The following ITPRIP variants were observed in gnomAD, a reference collection of about 807,000 sequenced individuals.
ITPRIP encodes inositol 1,4,5-trisphosphate receptor-interacting protein.
In ITPRIP, 32 loss-of-function variants were observed where a neutral mutation model predicts 35.8. The observed-to-expected ratio is 0.89, with a 90% CI of 0.68 to 1.20. ITPRIP has a LOEUF of 1.20. ITPRIP is among the 50% of genes most tolerant of loss of function. ITPRIP has a pLI of 0.00. For missense variants in ITPRIP, 653 were observed against 735.6 expected, an observed-to-expected ratio of 0.89 and a Z score of 1.30; for synonymous variants, 358 against 324.0, an observed-to-expected ratio of 1.11 and a Z score of -1.13.
At chr10:104,316,088 C>A in intron 1 of ITPRIP, 24 bp from the exon 2 acceptor site, 1 of 1,519,598 alleles carries the variant, frequency 6.6e-7, no homozygotes, top group South Asian at 1.3e-5. Flanking sequence ...GACAGATGGT[C>A]ACACCAAGCT....
At chr10:104,338,115 G>C (rs2014277588) in intron 1 of ITPRIP, 131 bp downstream of exon 1, 1 of 152,748 alleles carries the variant, frequency 6.5e-6, no homozygotes, top group African/African-American at 2.4e-5. Context: ...CCCGGGAGGA[G>C]CAGGCGCCCG....
chr10:104,322,169 G>C (rs987919901), intron 1 of ITPRIP, among the ~76,000 whole-genome samples: 3 of 152,150 alleles, frequency 2.0e-5, no homozygotes, highest in Admixed American at 6.5e-5. Flanking sequence ...CACCTGTTGG[G>C]GAGATGTCAG....
chr10:104,319,186 G>A (rs575997498), intron 1 of ITPRIP, among the ~76,000 whole-genome samples: 4 of 152,350 alleles, frequency 2.6e-5, no homozygotes, highest in South Asian at 4.1e-4. Flanking sequence ...GCGCTCCCAC[G>A]CTTTCCCTGT....
chr10:104,332,620 C>T (rs557592648), intron 1 of ITPRIP, among the ~76,000 whole-genome samples: 6 of 152,276 alleles, frequency 3.9e-5, no homozygotes, highest in East Asian at 1.9e-4. Context: ...TAAGATGTGG[C>T]GGAAACACAG....
At chr10:104,316,175 A>G (rs2013681632) in intron 1 of ITPRIP, 111 bp from the exon 2 acceptor site, 2 of 924,880 alleles carry the variant, frequency 2.2e-6, no homozygotes, top group Non-Finnish European at 3.1e-6. Context: ...TAGTTCTCCC[A>G]CCCAACCCAT....
In ITPRIP at chr10:104,328,398, T is replaced by C; in HGVS notation, c.-14+9848A>G. 6.1e-6 allele frequency: 3 copies of C among 489,794 alleles called. No individual in the cohort carries two copies. The highest frequency in any genetic ancestry group is 7.6e-6 in the Non-Finnish European group (3 of 393,942). The allele number at this position is 489,794 out of a possible 1,614,324, so 30.3% of individuals were successfully genotyped here. On this transcript the variant is annotated intron_variant, in intron 1 of 1. Transcript: ENST00000337478. The surrounding 1 kb of genome is among the most constrained non-coding windows in gnomAD (Gnocchi z 4.1). The stretch of plus-strand genomic sequence containing the variant: ...GAGTTCCCAAGAGTCGTCCCCTTTC[T>C]CTCTCTCCACCCCATGATCTACACA...
rs1589894796 is a variant in ITPRIP, at chr10:104,328,365, A to G, written c.-14+9881T>C. The G allele has an allele frequency of 1.2e-6, 1 of 869,268 alleles. No individual in the cohort carries two copies. Among genetic ancestry groups the G allele is most frequent in the East Asian group, 1.2e-4 (1 of 8,298 alleles). The allele number at this position is 869,268 out of a possible 1,614,324, so 53.8% of individuals were successfully genotyped here. On this transcript the variant is annotated intron_variant, in intron 1 of 1. Coordinates refer to ENST00000337478, the MANE Select transcript of ITPRIP (RefSeq NM_001272013.2). This position sits in a 1 kb window ranked among gnomAD's most constrained non-coding sequence, Gnocchi z 4.1. ...GCATGAATACCCACCTTGGGGCAGG[A>G]CATGCCAGAGTTCCCAAGAGTCGTC...
intron 1 of ITPRIP, among the ~76,000 whole-genome samples, chr10:104,316,599 G>T (rs2013698568): frequency 6.6e-6 from 1 of 152,094 alleles, no homozygotes; most frequent in Non-Finnish European, 1.5e-5. Flanking sequence ...CTCTCGGGAA[G>T]GGAGCCCGCC....
At position 104,326,719 on chromosome 10, in the gene ITPRIP, GATTAA is replaced by G. The variant is rs1284415749; in HGVS notation, c.-13-10660_-13-10656del. ...GACCTAAAAGGGTCTTTGCAGATGTGATTAAATTAAAGAACTTGAGATGAGATCAT... is the reference window on the plus strand; with the variant it reads ...GACCTAAAAGGGTCTTTGCAGATGTGATTAAAGAACTTGAGATGAGATCAT... On this transcript the variant is annotated intron_variant, in intron 1 of 1. Coordinates refer to ENST00000337478, the MANE Select transcript of ITPRIP (RefSeq NM_001272013.2). The surrounding 1 kb of genome is among the most constrained non-coding windows in gnomAD (Gnocchi z 4.8). 2.0e-5 allele frequency: 3 copies of G among 152,206 alleles called. No individual in the cohort carries two copies. The highest frequency in any genetic ancestry group is 2.9e-5 in the Non-Finnish European group (2 of 68,044). The allele number at this position is 152,206 out of a possible 1,614,324, so 9.4% of individuals were successfully genotyped here.
intron 1 of ITPRIP, among the ~76,000 whole-genome samples, chr10:104,318,999 T>G (rs968873785): frequency 3.9e-5 from 6 of 152,204 alleles, no homozygotes; most frequent in Non-Finnish European, 7.4e-5. Flanking sequence ...TCTGGCAGGA[T>G]GTAGGCAGTG....
chr10:104,324,665 C>T (rs904501549), intron 1 of ITPRIP, among the ~76,000 whole-genome samples: 5 of 152,038 alleles, frequency 3.3e-5, no homozygotes, highest in Non-Finnish European at 5.9e-5. Flanking sequence ...CTCGAGGACC[C>T]GGGTTGTAAA....
At chr10:104,337,526 G>A (rs1033433825) in intron 1 of ITPRIP, among the ~76,000 whole-genome samples, 1 of 151,852 alleles carries the variant, frequency 6.6e-6, no homozygotes. Flanking sequence ...AAGAGAAAGC[G>A]TTTTGGATGG....
chr10:104,316,121 TG>T, intron 1 of ITPRIP, 57 bp from the exon 2 acceptor site: 1 of 1,408,682 alleles, frequency 7.1e-7, no homozygotes, highest in East Asian at 2.5e-5. Flanking sequence ...ACTTCGTCCC[TG>T]GGCCCCGCAC....
rs1342719514 is a variant in ITPRIP, at chr10:104,328,732, A to C, written c.-14+9514T>G. On this transcript the variant is annotated intron_variant, in intron 1 of 1. Transcript: ENST00000337478. The surrounding 1 kb of genome is among the most constrained non-coding windows in gnomAD (Gnocchi z 4.1). ...ACCTTCTGTTTGACCCCTGGATGGG[A>C]ACAAAGAGAGCCCAGCTTAGAAAGA... 1 of 152,086 alleles carries C rather than the reference A, an allele frequency of 6.6e-6. No homozygotes were observed. Among genetic ancestry groups the C allele is most frequent in the East Asian group, 1.9e-4 (1 of 5,168 alleles). The allele number at this position is 152,086 out of a possible 1,614,324, so 9.4% of individuals were successfully genotyped here. A position where few individuals can be genotyped will look rare whatever the true frequency, so the allele number is the denominator to read the frequency against.
rs541106500 is a variant in ITPRIP, at chr10:104,314,632, G to C, written c.1420C>G (p.Leu474Val). Residue 474 changes from leucine (L) to valine (V), a missense_variant, in exon 2 of 2, where the codon CTC (leucine) becomes GTC (valine). By Grantham distance (32) the Leu-to-Val change is conservative. Coordinates refer to ENST00000337478, the MANE Select transcript of ITPRIP (RefSeq NM_001272013.2). ...FLEKSLLQKK[L>V]HHFFIGNRKV... is the part of the protein sequence containing the mutation. ...CGGTTGCCGATGAAGAAGTGGTGGA[G>C]CTTCTTCTGGAGCAAGCTCTTCTCC... is the stretch of plus-strand genomic sequence containing the variant. 1 of 1,614,112 alleles carries C rather than the reference G, an allele frequency of 6.2e-7. No individual in the cohort carries two copies. Among genetic ancestry groups the C allele is most frequent in the Admixed American group, 1.7e-5 (1 of 60,032 alleles).
Position 104,311,023 on chromosome 10 carries a change from G to T in ITPRIP, c.*3385C>A. ...GGCCACCTTCTGCTGCCTCTCCTAG[G>T]GAACAGGCTTGGTCCTATTCATTTT... On this transcript the variant is annotated 3_prime_UTR_variant, in exon 2 of 2. Coordinates refer to ENST00000337478, the MANE Select transcript of ITPRIP (RefSeq NM_001272013.2). 6.6e-6 allele frequency: 1 copy of T among 152,436 alleles called. No homozygotes were observed. 9.4% of individuals were successfully genotyped at this position (152,436 alleles called of 1,614,324 possible).
rs916099721 is a variant in ITPRIP, at chr10:104,312,548, A to G, written c.*1860T>C. On this transcript the variant is annotated 3_prime_UTR_variant, in exon 2 of 2. Transcript: ENST00000337478. Reference sequence around the variant, plus strand: ...GGGTAGCTCCAGGCTGCTGTTAGGGACACACTTGAGCTGGTTCATTCCCTG... The same window carrying G: ...GGGTAGCTCCAGGCTGCTGTTAGGGGCACACTTGAGCTGGTTCATTCCCTG... The G allele has an allele frequency of 8.1e-6, 7 of 865,102 alleles. No individual in the cohort carries two copies. The South Asian group carries it at 3.2e-4, about 39-fold the overall frequency. The allele number at this position is 865,102 out of a possible 1,614,324, so 53.6% of individuals were successfully genotyped here.
intron 1 of ITPRIP, among the ~76,000 whole-genome samples, chr10:104,332,168 A>G (rs2014163071): frequency 6.6e-6 from 1 of 152,208 alleles, no homozygotes; most frequent in African/African-American, 2.4e-5. Flanking sequence ...GAGGAGGAGA[A>G]ATAAATATGT....
At chr10:104,329,892 G>A (rs867911178) in intron 1 of ITPRIP, among the ~76,000 whole-genome samples, 2 of 152,186 alleles carry the variant, frequency 1.3e-5, no homozygotes, top group Non-Finnish European at 2.9e-5. Flanking sequence ...TTGTTAAATC[G>A]TCATGGTTGC....
Sources: allele counts gnomAD v4.1 joint callset (sites outside exome capture counted in the v4.1 genomes callset), GRCh38; gene constraint gnomAD v4.1.1; non-coding constraint Gnocchi (gnomAD v3.1); transcripts MANE v1.5; gene names NCBI Gene and HGNC (gene_info 2026-07-23, HGNC 2026-07-21).